PCDHGA3: variants seen among roughly 807,000 people sequenced by gnomAD.
PCDHGA3 encodes protocadherin gamma-A3.
A neutral mutation model predicts 58.5 loss-of-function variants in PCDHGA3; 40 were observed. That is an observed-to-expected ratio of 0.68 (90% CI 0.53 to 0.89). The LOEUF (loss-of-function observed/expected upper bound fraction) is 0.89, where lower values mean the gene tolerates loss of function less well. Among genes scored for constraint, PCDHGA3 ranks in the 40% least tolerant of loss-of-function variants. The probability of loss-of-function intolerance (pLI) is 0.00; values close to 1 mark genes in which losing one functional copy is unlikely to be tolerated. For synonymous variants in PCDHGA3, 530 were observed against 525.7 expected (o/e 1.01, Z -0.11); for missense variants, 1,223 against 1,195.9 (o/e 1.02, Z -0.33).
intron 1 of PCDHGA3, chr5:141,359,990 C>T: frequency 3.0e-6 from 3 of 999,456 alleles, no homozygotes; most frequent in Non-Finnish European, 4.1e-6. Context: ...TAGAGGGGAA[C>T]TTCCTGCACA....
intron 1 of PCDHGA3, chr5:141,351,499 C>A: frequency 6.2e-7 from 1 of 1,614,022 alleles, no homozygotes; most frequent in Non-Finnish European, 8.5e-7. Context: ...AGACAGCAGA[C>A]TACAACGTCA....
At chr5:141,349,144 C>T (rs1196382576) in intron 1 of PCDHGA3, among the ~76,000 whole-genome samples, 2 of 152,162 alleles carry the variant, frequency 1.3e-5, no homozygotes, top group African/African-American at 4.8e-5. Context: ...GATCTCAACT[C>T]ACTGCAACCT....
chr5:141,382,081 G>A (rs933434638), intron 1 of PCDHGA3, among the ~76,000 whole-genome samples: 12 of 151,852 alleles, frequency 7.9e-5, no homozygotes, highest in Non-Finnish European at 1.6e-4. Context: ...CGCCCGCCTC[G>A]GCCTCACAAA....
At chr5:141,375,273 C>T in intron 1 of PCDHGA3, 1 of 1,613,854 alleles carries the variant, frequency 6.2e-7, no homozygotes, top group Non-Finnish European at 8.5e-7. Flanking sequence ...TTGGAAAAAT[C>T]AGTTGGCAAT....
intron 1 of PCDHGA3, chr5:141,430,922 G>A: frequency 1.2e-6 from 2 of 1,607,168 alleles, no homozygotes; most frequent in South Asian, 2.2e-5. Context: ...CCTGGGGCTG[G>A]AGCCCCGGGA....
At chr5:141,388,935 C>T (rs1215680251) in intron 1 of PCDHGA3, 2 of 1,613,984 alleles carry the variant, frequency 1.2e-6, no homozygotes, top group South Asian at 1.1e-5. Flanking sequence ...CCAGTCTCTA[C>T]CCAACCTAAT....
intron 1 of PCDHGA3, chr5:141,389,305 C>T: frequency 6.2e-7 from 1 of 1,614,004 alleles, no homozygotes; most frequent in Non-Finnish European, 8.5e-7. Flanking sequence ...CAAGTCAGGG[C>T]TTCTGATCCG....
rs756966401 is a variant in PCDHGA3, at chr5:141,393,451, C to T, written c.2424+46994C>T. The T allele has an allele frequency of 5.0e-6, 8 of 1,614,058 alleles. No homozygotes were observed. In the South Asian group the frequency reaches 6.6e-5, roughly 13 times the overall value. On this transcript the variant is annotated intron_variant, in intron 1 of 3. Transcript: ENST00000253812. The stretch of plus-strand genomic sequence containing the variant: ...GAGGCTGCTCACCACCTGGTCCTCA[C>T]GGCCTCGGATGGCGGCAAGCCGCCT...
At chr5:141,455,789 G>A (rs966897617) in intron 1 of PCDHGA3, among the ~76,000 whole-genome samples, 56 of 152,058 alleles carry the variant, frequency 3.7e-4, no homozygotes, top group African/African-American at 1.3e-3. Context: ...AACTTTTCCG[G>A]AGATGCTTTA....
chr5:141,364,618 C>A (rs373148081), intron 1 of PCDHGA3: 2 of 1,614,140 alleles, frequency 1.2e-6, no homozygotes, highest in South Asian at 1.1e-5. Flanking sequence ...AGGAGCTCTG[C>A]GCTCAGAGCC....
intron 1 of PCDHGA3, chr5:141,352,653 C>T (rs200777796): frequency 1.3e-6 from 2 of 1,597,500 alleles, no homozygotes; most frequent in Non-Finnish European, 8.5e-7. Flanking sequence ...GCTTATGACC[C>T]TTCTTTGTCT....
intron 1 of PCDHGA3, chr5:141,375,811 G>T: frequency 6.2e-7 from 1 of 1,614,224 alleles, no homozygotes; most frequent in South Asian, 1.1e-5. Context: ...CTGGCGTGGA[G>T]CTGGCGCCCC....
rs1396618267 is a variant in PCDHGA3, at chr5:141,421,234, A to T, written c.2425-73573A>T. On this transcript the variant is annotated intron_variant, in intron 1 of 3. Coordinates refer to ENST00000253812, the MANE Select transcript of PCDHGA3 (RefSeq NM_018916.4). ...TATCGGCTTAGAGCCTGCCATGGCG[A>T]ATCGGCTACAGCGCGGGGACCGCAG... 7 of 1,593,656 alleles carry T rather than the reference A, an allele frequency of 4.4e-6. No homozygotes were observed. In the African/African-American group the frequency reaches 9.4e-5, roughly 21 times the overall value.
chr5:141,466,496 GCA>G (rs2099123596), intron 1 of PCDHGA3, among the ~76,000 whole-genome samples: 1 of 152,120 alleles, frequency 6.6e-6, no homozygotes. Context: ...TTTAATTAGA[GCA>G]CAGACAAGAT....
intron 1 of PCDHGA3, among the ~76,000 whole-genome samples, chr5:141,444,473 G>A (rs943971075): frequency 2.6e-5 from 4 of 151,972 alleles, no homozygotes; most frequent in Admixed American, 6.6e-5. Flanking sequence ...GCCCGGTCGC[G>A]TACTGGATTT....
chr5:141,357,594 T>C (rs1473950050), intron 1 of PCDHGA3: 2 of 1,614,104 alleles, frequency 1.2e-6, no homozygotes, highest in Admixed American at 1.7e-5. Flanking sequence ...AGGATTTACT[T>C]GAAACAAAAG....
At chr5:141,468,889 G>T (rs2099184580) in intron 1 of PCDHGA3, among the ~76,000 whole-genome samples, 1 of 151,496 alleles carries the variant, frequency 6.6e-6, no homozygotes, top group African/African-American at 2.4e-5. Flanking sequence ...ATAATAATAA[G>T]GTACTAATAT....
chr5:141,371,232 G>A lies in PCDHGA3; in HGVS notation c.2424+24775G>A, dbSNP rs1383557802. On this transcript the variant is annotated intron_variant, in intron 1 of 3. Coordinates refer to ENST00000253812, the MANE Select transcript of PCDHGA3 (RefSeq NM_018916.4). ...GGGCATCAATGCCGAAATCATCTATGCCTTCATCAATATTGGCAAGGAAGT... is the reference window on the plus strand; with the variant it reads ...GGGCATCAATGCCGAAATCATCTATACCTTCATCAATATTGGCAAGGAAGT... 6 of 1,613,918 alleles carry A rather than the reference G, an allele frequency of 3.7e-6. No homozygotes were observed. In the Admixed American group the frequency reaches 6.7e-5, roughly 18 times the overall value.
intron 1 of PCDHGA3, chr5:141,421,232 C>T (rs748347420): frequency 2.5e-6 from 4 of 1,590,252 alleles, no homozygotes; most frequent in African/African-American, 2.7e-5. Flanking sequence ...CCTGCCATGG[C>T]GAATCGGCTA....
Sources: allele counts gnomAD v4.1 joint callset (sites outside exome capture counted in the v4.1 genomes callset), GRCh38; gene constraint gnomAD v4.1.1; transcripts MANE v1.5; gene names NCBI Gene and HGNC (gene_info 2026-07-23, HGNC 2026-07-21).